Variants in PXDNL observed in about 807,000 individuals in gnomAD.
PXDNL encodes the protein peroxidasin like, also known as probable oxidoreductase PXDNL.
A neutral mutation model predicts 150.8 loss-of-function variants in PXDNL; 145 were observed. The observed-to-expected ratio is 0.96, with a 90% CI of 0.84 to 1.10. The LOEUF (loss-of-function observed/expected upper bound fraction) is 1.10, where lower values mean the gene tolerates loss of function less well. Among genes scored for constraint, PXDNL ranks in the 50% least tolerant of loss-of-function variants. PXDNL has a pLI of 0.00. For missense variants in PXDNL, 2,087 were observed against 1,873.9 expected, an observed-to-expected ratio of 1.11 and a Z score of -2.10; for synonymous variants, 757 against 725.7, an observed-to-expected ratio of 1.04 and a Z score of -0.69.
chr8:51,496,576 G>GC (rs1811057092), intron 5 of PXDNL, among the ~76,000 whole-genome samples: 4 of 152,184 alleles, frequency 2.6e-5, no homozygotes. Flanking sequence ...GGCAACTTCA[G>GC]CAAAGTCTCA....
At chr8:51,718,302 G>A (rs191695888) in intron 1 of PXDNL, among the ~76,000 whole-genome samples, 64 of 152,182 alleles carry the variant, frequency 4.2e-4, no homozygotes, top group African/African-American at 1.5e-3. Flanking sequence ...GATTGTGGGG[G>A]AATTCCATCT....
At chr8:51,349,720 A>C (rs1187272811) in intron 19 of PXDNL, among the ~76,000 whole-genome samples, 1 of 152,230 alleles carries the variant, frequency 6.6e-6, no homozygotes, top group Admixed American at 6.5e-5. Context: ...AACAAGGTCA[A>C]GTTTGGGAGA....
intron 3 of PXDNL, among the ~76,000 whole-genome samples, chr8:51,587,358 C>T (rs1349257280): frequency 6.6e-6 from 1 of 152,146 alleles, no homozygotes; most frequent in Non-Finnish European, 1.5e-5. Context: ...AAATGAATCA[C>T]TATATCCAAA....
chr8:51,552,962 G>A (rs1368850839), intron 4 of PXDNL, among the ~76,000 whole-genome samples: 2 of 152,168 alleles, frequency 1.3e-5, no homozygotes, highest in African/African-American at 4.8e-5. Flanking sequence ...CCAGTTATGT[G>A]CTTCCAAAAT....
intron 21 of PXDNL, among the ~76,000 whole-genome samples, chr8:51,338,299 T>C (rs1003095): frequency 0.26 from 38,842 of 152,074 alleles, 5,353 homozygotes; most frequent in African/African-American, 0.34. Flanking sequence ...GCAGCTTAGC[T>C]TCCCAATGTG....
chr8:51,654,792 A>G (rs777828811), intron 1 of PXDNL, 32 bp from the exon 2 acceptor site: 91 of 1,546,096 alleles, frequency 5.9e-5, no homozygotes, highest in Non-Finnish European at 7.9e-5. Flanking sequence ...GAACGATTAT[A>G]ATATGTTGAC....
chr8:51,731,097 T>C (rs374606638), intron 1 of PXDNL, among the ~76,000 whole-genome samples: 2 of 152,186 alleles, frequency 1.3e-5, no homozygotes, highest in Admixed American at 6.5e-5. Context: ...AAGTCTTTAT[T>C]CATGTCAGCA....
chr8:51,799,712 A>T (rs895199705), intron 1 of PXDNL, among the ~76,000 whole-genome samples: 1 of 152,220 alleles, frequency 6.6e-6, no homozygotes, highest in Non-Finnish European at 1.5e-5. Flanking sequence ...GGGCAAGGTG[A>T]GCCAGGAAGG....
In PXDNL at chr8:51,722,608, G is replaced by A. The variant is rs950654275; in HGVS notation, c.165-67848C>T. Among the ~76,000 whole-genome samples, 8 of 152,240 alleles carry A rather than the reference G, an allele frequency of 5.3e-5. 2 individuals carry two copies. The East Asian group carries it at 1.5e-3, about 29-fold the overall frequency. On this transcript the variant is annotated intron_variant, in intron 1 of 22. Coordinates refer to ENST00000356297, the MANE Select transcript of PXDNL (RefSeq NM_144651.5). The stretch of plus-strand genomic sequence containing the variant: ...ATGGATAGGGAGCTGGAAAGGGGAT[G>A]GAGTGGGAAGACGATCTTCCCCTGG...
intron 1 of PXDNL, among the ~76,000 whole-genome samples, chr8:51,731,665 G>A (rs1479497433): frequency 6.6e-6 from 1 of 152,210 alleles, no homozygotes; most frequent in East Asian, 1.9e-4. Context: ...ACCTATGCCT[G>A]GACACCCAGG....
intron 1 of PXDNL, among the ~76,000 whole-genome samples, chr8:51,722,903 G>C (rs1816756754): frequency 1.3e-5 from 2 of 152,040 alleles, no homozygotes; most frequent in African/African-American, 4.8e-5. Flanking sequence ...CAAGCTTGGG[G>C]GTGGGGCCTT....
intron 17 of PXDNL, among the ~76,000 whole-genome samples, chr8:51,390,275 G>A (rs550860374): frequency 6.6e-6 from 1 of 152,226 alleles, no homozygotes; most frequent in East Asian, 1.9e-4. Context: ...ATAAGTATTT[G>A]CAAAGGAGAA....
At chr8:51,571,759 A>C (rs1244569693) in intron 3 of PXDNL, among the ~76,000 whole-genome samples, 1 of 152,012 alleles carries the variant, frequency 6.6e-6, no homozygotes, top group East Asian at 1.9e-4. Context: ...TATTAAGCTT[A>C]TTTGTGTAGT....
chr8:51,775,771 T>C (rs1419282751), intron 1 of PXDNL, among the ~76,000 whole-genome samples: 1 of 152,098 alleles, frequency 6.6e-6, no homozygotes, highest in African/African-American at 2.4e-5. Flanking sequence ...ACTGCACAAA[T>C]TGTTTAAACA....
chr8:51,582,688 A>G (rs1813234250), intron 3 of PXDNL, among the ~76,000 whole-genome samples: 1 of 152,140 alleles, frequency 6.6e-6, no homozygotes, highest in South Asian at 2.1e-4. Context: ...GTTTTTTTAA[A>G]TGACTTCATC....
At chr8:51,651,528 A>G (rs112103423) in intron 2 of PXDNL, among the ~76,000 whole-genome samples, 3 of 152,152 alleles carry the variant, frequency 2.0e-5, no homozygotes, top group Admixed American at 1.3e-4. Context: ...CGTTCTTCTC[A>G]AGGTTCTTTT....
At chr8:51,457,779 T>G (rs1482780174) in intron 8 of PXDNL, 112 bp from the exon 9 acceptor site, 3 of 667,952 alleles carry the variant, frequency 4.5e-6, no homozygotes, top group Middle Eastern at 3.9e-4. Context: ...ACCAAATTTG[T>G]TAAATTTATT....
At chr8:51,556,983 T>C in intron 3 of PXDNL, 72 bp from the exon 4 acceptor site, 1 of 883,554 alleles carries the variant, frequency 1.1e-6, no homozygotes, top group Non-Finnish European at 1.9e-6. Context: ...ACAAACTTTT[T>C]AAACTATAAG....
chr8:51,647,287 C>T lies in PXDNL; in HGVS notation c.236+7402G>A, dbSNP rs147996151. Among the ~76,000 whole-genome samples, 1,509 of 152,194 alleles carry T rather than the reference C, an allele frequency of 9.9e-3. 21 individuals carry two copies. The highest frequency in any genetic ancestry group is 0.016 in the Non-Finnish European group (1,056 of 68,024). On this transcript the variant is annotated intron_variant, in intron 2 of 22. Transcript: ENST00000356297. ...AGCCAAATTTTCCTGGCATCCACCC[C>T]AGAAATTTCTCTCTATTTCTGGCCA...
Sources: allele counts gnomAD v4.1 joint callset (sites outside exome capture counted in the v4.1 genomes callset), GRCh38; gene constraint gnomAD v4.1.1; transcripts MANE v1.5; gene names NCBI Gene and HGNC (gene_info 2026-07-23, HGNC 2026-07-21).